Variants in IL22 observed in about 807,000 individuals in gnomAD.
IL22 encodes the protein interleukin-22.
Under a neutral mutation model 15.5 loss-of-function variants are expected in IL22, and 15 were observed. The ratio of observed to expected loss-of-function variants is 0.97; its 90% CI spans 0.65 to 1.49. The LOEUF is 1.49. Ranked by LOEUF, IL22 falls within the 40% of genes most tolerant of loss-of-function variation. The pLI is 0.00. For synonymous variants in IL22, 91 were observed against 82.0 expected (o/e 1.11, Z -0.60); for missense variants, 225 against 215.4 (o/e 1.04, Z -0.28).
At position 68,253,599 on chromosome 12, in the gene IL22, G is replaced by C. The variant is rs575477382; in HGVS notation, c.-63C>G. On this transcript the variant is annotated 5_prime_UTR_variant, in exon 1 of 6. Coordinates refer to ENST00000538666, the MANE Select transcript of IL22 (RefSeq NM_020525.5). ...AACGCTTACCTGTTCTGAAGATTCTGCTTGTGACGGGGAAGGTAGAAGCTG... is the reference window on the plus strand; with the variant it reads ...AACGCTTACCTGTTCTGAAGATTCTCCTTGTGACGGGGAAGGTAGAAGCTG... The C allele has an allele frequency of 1.9e-6, 1 of 528,600 alleles. No homozygotes were observed. Among genetic ancestry groups the C allele is most frequent in the Non-Finnish European group, 3.2e-6 (1 of 312,818 alleles). The allele number at this position is 528,600 out of a possible 1,614,324, so 32.7% of individuals were successfully genotyped here.
intron 4 of IL22, 52 bp downstream of exon 4, chr12:68,252,433 TTGGGGTAAGGGGGTCTCTG>T (rs1378434734): frequency 4.0e-6 from 6 of 1,485,608 alleles, no homozygotes; most frequent in Admixed American, 1.7e-5. Flanking sequence ...GGAGAGAGAG[TTGGGGTAAGGGGGTCTCTG>T]TGGAAGGAGG....
At position 68,252,575 on chromosome 12, in the gene IL22, C is replaced by T; in HGVS notation, c.325G>A (p.Asp109Asn). The T allele has an allele frequency of 6.2e-7, 1 of 1,613,976 alleles. No homozygotes were observed. The highest frequency in any genetic ancestry group is 8.5e-7 in the Non-Finnish European group (1 of 1,179,902). ...TLEEVLFPQS[D>N]RFQPYMQEVV... ...TCCTGCATATAAGGCTGGAACCTAT[C>T]AGATTGAGGGAACAGCACTTCTTCA... is the stretch of plus-strand genomic sequence containing the variant. Residue 109 changes from aspartate (D) to asparagine (N), a missense_variant, in exon 4 of 6, where the codon GAT (aspartate) becomes AAT (asparagine). Asp to Asn is a conservative substitution (Grantham distance 23). Coordinates refer to ENST00000538666, the MANE Select transcript of IL22 (RefSeq NM_020525.5).
At chr12:68,249,446 G>A (rs1400152021) in intron 5 of IL22, among the ~76,000 whole-genome samples, 1 of 152,104 alleles carries the variant, frequency 6.6e-6, no homozygotes, top group East Asian at 1.9e-4. Context: ...CTTTCAAGGT[G>A]GTCCAGGGAA....
chr12:68,248,366 C>A lies in IL22; in HGVS notation c.*433G>T, dbSNP rs1475004815. On this transcript the variant is annotated 3_prime_UTR_variant, in exon 6 of 6. Coordinates refer to ENST00000538666, the MANE Select transcript of IL22 (RefSeq NM_020525.5). The stretch of plus-strand genomic sequence containing the variant: ...TCGAATGATGTTTCTATAAATAAAT[C>A]CATATTAATAAAATGATATAAATAA... 1 of 151,660 alleles carries A rather than the reference C, an allele frequency of 6.6e-6. No individual in the cohort carries two copies. The highest frequency in any genetic ancestry group is 1.5e-5 in the Non-Finnish European group (1 of 67,958). The allele number at this position is 151,660 out of a possible 1,614,324, so 9.4% of individuals were successfully genotyped here.
chr12:68,249,951 C>A (rs1012228551), intron 5 of IL22, among the ~76,000 whole-genome samples: 4 of 152,294 alleles, frequency 2.6e-5, no homozygotes, highest in African/African-American at 7.2e-5. Context: ...AGTTTATCGT[C>A]CCCTACTGTC....
chr12:68,251,255 T>C (rs1478702519), intron 5 of IL22, among the ~76,000 whole-genome samples: 1 of 152,162 alleles, frequency 6.6e-6, no homozygotes, highest in South Asian at 2.1e-4. Context: ...TCTCTGCCAC[T>C]GACCATCCCC....
At chr12:68,249,181 G>T (rs1869838740) in intron 5 of IL22, among the ~76,000 whole-genome samples, 1 of 152,170 alleles carries the variant, frequency 6.6e-6, no homozygotes, top group African/African-American at 2.4e-5. Flanking sequence ...ACTGAAGTGA[G>T]GCTGGGATCT....
At chr12:68,250,924 T>C (rs1449004403) in intron 5 of IL22, among the ~76,000 whole-genome samples, 1 of 152,228 alleles carries the variant, frequency 6.6e-6, no homozygotes, top group Non-Finnish European at 1.5e-5. Context: ...TAAACTATAA[T>C]CAATATCTGA....
chr12:68,251,198 G>A (rs999016990), intron 5 of IL22, among the ~76,000 whole-genome samples: 2 of 152,028 alleles, frequency 1.3e-5, no homozygotes, highest in South Asian at 4.2e-4. Flanking sequence ...TATCACCACC[G>A]GGAAAAGTGC....
In IL22 at chr12:68,248,699, C is replaced by T; in HGVS notation, c.*100G>A. Reference sequence around the variant, plus strand: ...CACCCATCATGATGGAGTTTGGCTTCCCATCTTCCTTTTGGTTAAAAAAAA... The same window carrying T: ...CACCCATCATGATGGAGTTTGGCTTTCCATCTTCCTTTTGGTTAAAAAAAA... On this transcript the variant is annotated 3_prime_UTR_variant, in exon 6 of 6. Transcript: ENST00000538666. The T allele has an allele frequency of 9.0e-6, 8 of 887,834 alleles. No homozygotes were observed. The Middle Eastern group carries it at 6.7e-4, about 74-fold the overall frequency. The allele number at this position is 887,834 out of a possible 1,614,324, so 55.0% of individuals were successfully genotyped here. A position where few individuals can be genotyped will look rare whatever the true frequency, so the allele number is the denominator to read the frequency against.
chr12:68,249,565 A>G (rs1305946609), intron 5 of IL22, among the ~76,000 whole-genome samples: 1 of 152,218 alleles, frequency 6.6e-6, no homozygotes, highest in Non-Finnish European at 1.5e-5. Flanking sequence ...TTTGACAAAC[A>G]GTAAAAGAAA....
chr12:68,252,395 C>G (rs996629231), intron 4 of IL22, 109 bp downstream of exon 4: 6 of 1,126,456 alleles, frequency 5.3e-6, no homozygotes, highest in Admixed American at 4.0e-5. Context: ...CAAGACACTT[C>G]TTCCTGCTAG....
chr12:68,252,388 G>A (rs1236548665), intron 4 of IL22, 116 bp downstream of exon 4: 7 of 1,037,622 alleles, frequency 6.7e-6, no homozygotes, highest in African/African-American at 6.3e-5. Context: ...CTGCTGCCAA[G>A]ACACTTCTTC....
intron 5 of IL22, among the ~76,000 whole-genome samples, chr12:68,251,174 C>G (rs1300255113): frequency 2.0e-5 from 3 of 152,034 alleles, no homozygotes; most frequent in Non-Finnish European, 2.9e-5. Context: ...ATTAATGGTA[C>G]CAAAACTAAT....
chr12:68,251,826 T>C (rs1869942450), intron 4 of IL22, among the ~76,000 whole-genome samples: 1 of 152,182 alleles, frequency 6.6e-6, no homozygotes, highest in South Asian at 2.1e-4. Flanking sequence ...GGTTTGCATT[T>C]GTGGAAAGAG....
At position 68,248,562 on chromosome 12, in the gene IL22, A is replaced by G; in HGVS notation, c.*237T>C. The G allele has an allele frequency of 2.4e-6, 1 of 412,690 alleles. No individual in the cohort carries two copies. The highest frequency in any genetic ancestry group is 4.3e-6 in the Non-Finnish European group (1 of 232,336). The allele number at this position is 412,690 out of a possible 1,614,324, so 25.6% of individuals were successfully genotyped here. A position where few individuals can be genotyped will look rare whatever the true frequency, so the allele number is the denominator to read the frequency against. ...GTTTTCTGTGTATAGAACACCAGTT[A>G]CAATGAAATGTTATCAATAAATATC... On this transcript the variant is annotated 3_prime_UTR_variant, in exon 6 of 6. Coordinates refer to ENST00000538666, the MANE Select transcript of IL22 (RefSeq NM_020525.5).
At position 68,252,549 on chromosome 12, in the gene IL22, C is replaced by G; in HGVS notation, c.351G>C (p.Glu117Asp). The G allele has an allele frequency of 6.2e-7, 1 of 1,614,036 alleles. No individual in the cohort carries two copies. ...TGAGCCTGGCCAGGAAGGGCACCACCTCCTGCATATAAGGCTGGAACCTAT... is the reference window on the plus strand; with the variant it reads ...TGAGCCTGGCCAGGAAGGGCACCACGTCCTGCATATAAGGCTGGAACCTAT... ...QSDRFQPYMQ[E>D]VVPFLARLSN... Residue 117 changes from glutamate (E) to aspartate (D), a missense_variant, in exon 4 of 6, where the codon GAG (glutamate) becomes GAC (aspartate). Coordinates refer to ENST00000538666, the MANE Select transcript of IL22 (RefSeq NM_020525.5).
In IL22 at chr12:68,253,481, T is replaced by C. The variant is rs1029358547; in HGVS notation, c.-33A>G. 1 of 1,509,254 alleles carries C rather than the reference T, an allele frequency of 6.6e-7. No homozygotes were observed. Among genetic ancestry groups the C allele is most frequent in the Non-Finnish European group, 9.0e-7 (1 of 1,116,830 alleles). 93.5% of individuals were successfully genotyped at this position (1,509,254 alleles called of 1,614,324 possible). On this transcript the variant is annotated 5_prime_UTR_variant, in exon 2 of 6. Transcript: ENST00000538666. The stretch of plus-strand genomic sequence containing the variant: ...AATTCTAACTCGAGCAACTGGTGAC[T>C]GGGGAAGGAGAACCTGGTCGAAGAC...
intron 5 of IL22, among the ~76,000 whole-genome samples, chr12:68,250,595 G>T (rs1485521233): frequency 2.0e-5 from 3 of 152,172 alleles, no homozygotes; most frequent in African/African-American, 7.2e-5. Flanking sequence ...CACTTTCACT[G>T]CTCCTAATCA....
Sources: gnomAD v4.1 joint callset for allele counts (sites outside exome capture counted in the v4.1 genomes callset) on GRCh38, gnomAD v4.1.1 for gene constraint, MANE v1.5 for transcripts, NCBI Gene and HGNC (gene_info 2026-07-23, HGNC 2026-07-21) for gene names.